The following EXT1 variants were observed in gnomAD, a reference collection of about 807,000 sequenced individuals.
EXT1 encodes the protein exostosin glycosyltransferase 1.
Under a neutral mutation model 82.5 loss-of-function variants are expected in EXT1, and 20 were observed. The observed-to-expected ratio is 0.24, with a 90% confidence interval of 0.17 to 0.35. EXT1 has a LOEUF of 0.35. Ranked by LOEUF, EXT1 falls within the 10% of genes least tolerant of loss-of-function variation. The pLI is 1.00. For synonymous variants in EXT1, 348 were observed against 350.8 expected (o/e 0.99, Z 0.09); for missense variants, 757 against 936.5 (o/e 0.81, Z 2.50).
intron 1 of EXT1, among the ~76,000 whole-genome samples, chr8:118,004,677 G>A (rs17505107): frequency 6.6e-6 from 1 of 152,216 alleles, no homozygotes; most frequent in African/African-American, 2.4e-5. Flanking sequence ...CCAGTCTCTT[G>A]AGCTTCCCTT....
chr8:118,001,663 TGTA>T (rs906911102), intron 1 of EXT1, among the ~76,000 whole-genome samples: 9 of 152,134 alleles, frequency 5.9e-5, no homozygotes, highest in Non-Finnish European at 1.2e-4. Flanking sequence ...TAAGAAAAAA[TGTA>T]GTAAAACCAA....
In EXT1 at chr8:117,830,249, A is replaced by G. The variant is rs1427060439; in HGVS notation, c.1265T>C (p.Ile422Thr). The change falls in exon 4 of 11, where the codon ATT (isoleucine) becomes ACT (threonine). Residue 422 changes from isoleucine (I) to threonine (T), a missense_variant. Around this residue, in one of 4 missense-constraint regions of EXT1, gnomAD observed 207 missense variants for 224.2 expected, o/e 0.92. Transcript: ENST00000378204. Reference sequence around the variant, plus strand: ...ACTTACCTCTAGTGTAGTTAATACAATCTTCTCAACTGAAGAAAAATAAGC... The same window carrying G: ...ACTTACCTCTAGTGTAGTTAATACAGTCTTCTCAACTGAAGAAAAATAAGC... ...WEAYFSSVEK[I>T]VLTTLEIIQD... The G allele has an allele frequency of 3.1e-6, 5 of 1,614,066 alleles. No individual in the cohort carries two copies. The highest frequency in any genetic ancestry group is 2.2e-5 in the East Asian group (1 of 44,848).
Position 118,109,698 on chromosome 8 carries a change from G to A in EXT1, c.962+387C>T, listed in dbSNP as rs966485124. Among the ~76,000 whole-genome samples, 4 of 151,970 alleles carry A rather than the reference G, an allele frequency of 2.6e-5. No homozygotes were observed. In the South Asian group the frequency reaches 6.2e-4, roughly 24 times the overall value. The stretch of plus-strand genomic sequence containing the variant: ...CTTGGTGGAAGGTCTCTGGACTTTG[G>A]GTAGATCACAGCCTCTCCGGGTCTC... On this transcript the variant is annotated intron_variant, in intron 1 of 10. Coordinates refer to ENST00000378204, the MANE Select transcript of EXT1 (RefSeq NM_000127.3).
chr8:117,947,745 C>A (rs575569022), intron 1 of EXT1, among the ~76,000 whole-genome samples: 1 of 152,224 alleles, frequency 6.6e-6, no homozygotes, highest in Non-Finnish European at 1.5e-5. Context: ...TCTTAAAGAG[C>A]TCAAAGTCTA....
At chr8:117,962,168 C>T (rs1331078449) in intron 1 of EXT1, among the ~76,000 whole-genome samples, 2 of 152,116 alleles carry the variant, frequency 1.3e-5, no homozygotes, top group African/African-American at 4.8e-5. Context: ...ACTACCACTT[C>T]CTGGTAGAAG....
intron 1 of EXT1, among the ~76,000 whole-genome samples, chr8:117,944,602 C>T (rs902533123): frequency 6.6e-6 from 1 of 152,268 alleles, no homozygotes; most frequent in South Asian, 2.1e-4. Flanking sequence ...GCACAGAAGA[C>T]TATGTAGGCA....
chr8:118,010,492 A>C (rs1009094667), intron 1 of EXT1, among the ~76,000 whole-genome samples: 1 of 151,990 alleles, frequency 6.6e-6, no homozygotes, highest in Non-Finnish European at 1.5e-5. Flanking sequence ...TTGACCACTC[A>C]CTGGGAAGAA....
intron 1 of EXT1, among the ~76,000 whole-genome samples, chr8:117,941,400 G>T (rs947042432): frequency 6.6e-6 from 1 of 152,212 alleles, no homozygotes; most frequent in Non-Finnish European, 1.5e-5. Flanking sequence ...CATATGGAGG[G>T]GGGAATAGGC....
chr8:118,071,067 T>C (rs972551468), intron 1 of EXT1, among the ~76,000 whole-genome samples: 1 of 152,130 alleles, frequency 6.6e-6, no homozygotes, highest in Non-Finnish European at 1.5e-5. Flanking sequence ...GTAGTAAACA[T>C]AGTTAAGCTG....
intron 1 of EXT1, among the ~76,000 whole-genome samples, chr8:118,019,306 T>C (rs577566010): frequency 8.3e-5 from 12 of 144,750 alleles, no homozygotes; most frequent in African/African-American, 3.1e-4. Context: ...TAATTGAGAT[T>C]CAAACTTTTA....
chr8:117,916,247 G>A lies in EXT1; in HGVS notation c.963-79046C>T, dbSNP rs182248058. 2.0e-4 allele frequency among the ~76,000 whole-genome samples: 30 copies of A among 152,226 alleles called. 1 individual carries two copies. Among genetic ancestry groups the A allele is most frequent in the Admixed American group, 1.7e-3 (26 of 15,278 alleles). ...TTTCCTTGACACCTGGGTGGTAATG[G>A]GACCGATAATTCCATGCTGCAAATG... On this transcript the variant is annotated intron_variant, in intron 1 of 10. Coordinates refer to ENST00000378204, the MANE Select transcript of EXT1 (RefSeq NM_000127.3).
intron 1 of EXT1, among the ~76,000 whole-genome samples, chr8:117,985,223 C>A (rs1815293121): frequency 6.6e-6 from 1 of 152,230 alleles, no homozygotes; most frequent in South Asian, 2.1e-4. Flanking sequence ...CTCACCAAGC[C>A]TGTGCTGCTC....
intron 1 of EXT1, among the ~76,000 whole-genome samples, chr8:117,883,080 A>G (rs1428437388): frequency 6.6e-6 from 1 of 152,162 alleles, no homozygotes; most frequent in Non-Finnish European, 1.5e-5. Flanking sequence ...AGCCCATGTA[A>G]TATCAAGGTT....
intron 1 of EXT1, among the ~76,000 whole-genome samples, chr8:118,070,417 C>A (rs1035664852): frequency 7.2e-5 from 11 of 152,094 alleles, no homozygotes; most frequent in Admixed American, 7.2e-4. Flanking sequence ...TAGTGTTTGG[C>A]ATACAAATAT....
intron 1 of EXT1, among the ~76,000 whole-genome samples, chr8:117,851,041 GA>G (rs1812443612): frequency 1.3e-5 from 2 of 152,210 alleles, no homozygotes; most frequent in Admixed American, 6.5e-5. Context: ...CTGGAACTTA[GA>G]AAGTGGAGAT....
At chr8:117,824,276 G>C (rs1811972860) in intron 4 of EXT1, among the ~76,000 whole-genome samples, 2 of 152,082 alleles carry the variant, frequency 1.3e-5, no homozygotes, top group South Asian at 4.1e-4. Context: ...ATTCCCATCA[G>C]GTCTTTGGAT....
chr8:117,835,694 A>G, intron 2 of EXT1, 143 bp from the exon 3 acceptor site: 1 of 683,276 alleles, frequency 1.5e-6, no homozygotes, highest in Admixed American at 2.2e-5. Flanking sequence ...AAGGAAAGGA[A>G]GCTTTTATGA....
intron 1 of EXT1, among the ~76,000 whole-genome samples, chr8:118,066,336 A>C (rs1331705242): frequency 2.7e-5 from 3 of 112,168 alleles, no homozygotes; most frequent in Non-Finnish European, 5.1e-5. Context: ...CTCTAGCTTT[A>C]TTTATTTATT....
intron 1 of EXT1, among the ~76,000 whole-genome samples, chr8:118,105,278 T>C (rs1192060179): frequency 6.6e-6 from 1 of 152,084 alleles, no homozygotes; most frequent in Non-Finnish European, 1.5e-5. Flanking sequence ...AGGTGTAGCA[T>C]CTCCCCTTTT....
Sources: gnomAD v4.1 joint callset for allele counts (sites outside exome capture counted in the v4.1 genomes callset) on GRCh38, gnomAD v4.1.1 for gene constraint, gnomAD v4.1.1 regional missense constraint, MANE v1.5 for transcripts, NCBI Gene and HGNC (gene_info 2026-07-23, HGNC 2026-07-21) for gene names.